SDK1: variants seen among roughly 807,000 people sequenced by gnomAD.
SDK1 encodes sidekick cell adhesion molecule 1.
Under a neutral mutation model 245.5 loss-of-function variants are expected in SDK1, and 157 were observed. The ratio of observed to expected loss-of-function variants is 0.64; its 90% confidence interval spans 0.56 to 0.73. The LOEUF is 0.73. Ranked by LOEUF, SDK1 falls within the 30% of genes least tolerant of loss-of-function variation. SDK1 has a pLI of 0.00. For synonymous variants in SDK1, 1,647 were observed against 1,278.5 expected (o/e 1.29, Z -6.15); for missense variants, 3,583 against 3,002.3 (o/e 1.19, Z -4.52).
intron 14 of SDK1, among the ~76,000 whole-genome samples, chr7:3,993,674 C>T (rs1251192373): frequency 6.6e-6 from 1 of 152,186 alleles, no homozygotes; most frequent in Admixed American, 6.5e-5. Flanking sequence ...TGCACCCAAG[C>T]CCTTGGTCCC....
chr7:4,162,545 G>A (rs1386160277), intron 32 of SDK1, among the ~76,000 whole-genome samples: 1 of 151,744 alleles, frequency 6.6e-6, no homozygotes, highest in Non-Finnish European at 1.5e-5. Context: ...GATTACAGGC[G>A]CATGCCCCTA....
chr7:3,591,491 G>T (rs1266715038), intron 1 of SDK1, among the ~76,000 whole-genome samples: 1 of 152,248 alleles, frequency 6.6e-6, no homozygotes, highest in Non-Finnish European at 1.5e-5. Flanking sequence ...CGTTGTGAAA[G>T]TCATAAAATT....
intron 5 of SDK1, among the ~76,000 whole-genome samples, chr7:3,909,414 T>G (rs1186017000): frequency 6.6e-6 from 1 of 152,202 alleles, no homozygotes; most frequent in African/African-American, 2.4e-5. Flanking sequence ...TGGAGTAGCC[T>G]CTGCCCATCC....
At chr7:3,933,492 C>T (rs1780053606) in intron 5 of SDK1, among the ~76,000 whole-genome samples, 1 of 152,130 alleles carries the variant, frequency 6.6e-6, no homozygotes, top group Non-Finnish European at 1.5e-5. Flanking sequence ...ATGTGGTTAG[C>T]TTCAGTTGTT....
At chr7:3,563,690 A>C (rs73296278) in intron 1 of SDK1, among the ~76,000 whole-genome samples, 4 of 152,170 alleles carry the variant, frequency 2.6e-5, no homozygotes, top group African/African-American at 9.7e-5. Flanking sequence ...GAAAAATACA[A>C]TTAATAAGCA....
chr7:3,825,491 A>C (rs1245412969), intron 5 of SDK1, among the ~76,000 whole-genome samples: 1 of 152,180 alleles, frequency 6.6e-6, no homozygotes, highest in African/African-American at 2.4e-5. Flanking sequence ...GCTTGGATTA[A>C]AAAGAAATGA....
intron 32 of SDK1, among the ~76,000 whole-genome samples, chr7:4,167,387 G>A (rs1295055181): frequency 6.6e-6 from 1 of 151,528 alleles, no homozygotes; most frequent in African/African-American, 2.4e-5. Context: ...TGGCGACAGA[G>A]CAAGACTCCG....
intron 44 of SDK1, among the ~76,000 whole-genome samples, chr7:4,260,653 T>A (rs1052689904): frequency 6.7e-5 from 10 of 149,838 alleles, no homozygotes; most frequent in African/African-American, 2.2e-4. Flanking sequence ...GGTCTCTGGG[T>A]GTGTGGGAAG....
chr7:3,531,304 C>A lies in SDK1; in HGVS notation c.299-87776C>A, dbSNP rs917840368. 2.6e-5 allele frequency among the ~76,000 whole-genome samples: 4 copies of A among 152,076 alleles called. No homozygotes were observed. In the East Asian group the frequency reaches 7.7e-4, roughly 29 times the overall value. On this transcript the variant is annotated intron_variant, in intron 1 of 44. Transcript: ENST00000404826. ...GCTTAACATAAGTCCTTTATTTACC[C>A]TTGGTTTTGTATTGAAATGTTCACG...
At chr7:4,203,795 A>G (rs1247801447) in intron 35 of SDK1, among the ~76,000 whole-genome samples, 1 of 152,234 alleles carries the variant, frequency 6.6e-6, no homozygotes, top group Non-Finnish European at 1.5e-5. Flanking sequence ...GCGTTGACAT[A>G]TATTTCTCTC....
At chr7:3,727,126 C>A (rs1484298473) in intron 4 of SDK1, among the ~76,000 whole-genome samples, 2 of 152,194 alleles carry the variant, frequency 1.3e-5, no homozygotes, top group Non-Finnish European at 2.9e-5. Context: ...ATGTTTCCCT[C>A]TTTTGAAGGG....
At chr7:4,254,584 C>G (rs946164248) in intron 44 of SDK1, among the ~76,000 whole-genome samples, 1 of 149,630 alleles carries the variant, frequency 6.7e-6, no homozygotes, top group African/African-American at 2.4e-5. Context: ...CCTTTGAAGT[C>G]TTTGCCTGCT....
chr7:3,693,274 C>T (rs1182485041), intron 4 of SDK1, among the ~76,000 whole-genome samples: 2 of 151,920 alleles, frequency 1.3e-5, no homozygotes, highest in Non-Finnish European at 2.9e-5. Context: ...TTACTAATTT[C>T]CCTTTTTGCA....
At position 4,045,639 on chromosome 7, in the gene SDK1, C is replaced by G. The variant is rs4266542; in HGVS notation, c.2603-3709C>G. 6.3e-3 allele frequency among the ~76,000 whole-genome samples: 955 copies of G among 152,132 alleles called. 10 individuals carry two copies. Among genetic ancestry groups the G allele is most frequent in the African/African-American group, 0.021 (860 of 41,464 alleles). ...CACGTGGCTCGCGCATGTTTAACTT[C>G]GTAAGAAAGCACCAAACGGTCCCAC... On this transcript the variant is annotated intron_variant, in intron 17 of 44. Transcript: ENST00000404826.
At chr7:3,606,075 G>A (rs892302739) in intron 1 of SDK1, among the ~76,000 whole-genome samples, 1 of 152,120 alleles carries the variant, frequency 6.6e-6, no homozygotes, top group Admixed American at 6.5e-5. Flanking sequence ...TGGATGTCTA[G>A]TGGGTATTTC....
At chr7:3,806,311 T>TCCACATTAGGATGTGGAC (rs1779243311) in intron 4 of SDK1, among the ~76,000 whole-genome samples, 2 of 123,072 alleles carry the variant, frequency 1.6e-5, no homozygotes, top group South Asian at 2.3e-4. Flanking sequence ...AGGATGTGGA[T>TCCACATTAGGATGTGGAC]GTCCACATTA....
intron 14 of SDK1, among the ~76,000 whole-genome samples, chr7:4,001,721 G>T (rs1583790283): frequency 6.6e-6 from 1 of 152,190 alleles, no homozygotes. Flanking sequence ...TATTTATACT[G>T]TCCACTCTGT....
chr7:3,400,951 G>C (rs543343994), intron 1 of SDK1, among the ~76,000 whole-genome samples: 15 of 151,004 alleles, frequency 9.9e-5, no homozygotes, highest in African/African-American at 2.9e-4. Flanking sequence ...CCGAACTCCA[G>C]TGTCAGGACA....
intron 1 of SDK1, among the ~76,000 whole-genome samples, chr7:3,380,544 C>T (rs1197548335): frequency 6.6e-6 from 1 of 152,194 alleles, no homozygotes; most frequent in Non-Finnish European, 1.5e-5. Context: ...GGTGTTGTAA[C>T]ACTTGAGATT....
Sources: allele counts gnomAD v4.1 joint callset (sites outside exome capture counted in the v4.1 genomes callset), GRCh38; gene constraint gnomAD v4.1.1; transcripts MANE v1.5; gene names NCBI Gene and HGNC (gene_info 2026-07-23, HGNC 2026-07-21).